Variants in IGSF21 observed in about 807,000 individuals in gnomAD.
IGSF21 encodes the protein immunoglobin superfamily member 21, also known as immunoglobulin superfamily member 21.
A neutral mutation model predicts 46.8 loss-of-function variants in IGSF21; 28 were observed. The observed-to-expected ratio is 0.60, with a 90% confidence interval of 0.44 to 0.82. IGSF21 has a LOEUF of 0.82. IGSF21 is among the 40% of genes least tolerant of loss of function. The probability of loss-of-function intolerance (pLI) is 0.00; values close to 1 mark genes in which losing one functional copy is unlikely to be tolerated. For missense variants in IGSF21, 624 were observed against 665.5 expected, an observed-to-expected ratio of 0.94 and a Z score of 0.69; for synonymous variants, 284 against 273.6, an observed-to-expected ratio of 1.04 and a Z score of -0.38.
chr1:18,298,062 C>T (rs919054973), intron 3 of IGSF21, among the ~76,000 whole-genome samples: 2 of 152,184 alleles, frequency 1.3e-5, no homozygotes, highest in African/African-American at 4.8e-5. Context: ...TCCAGGTAGA[C>T]GACATGGCAA....
At chr1:18,190,865 G>A (rs1197446777) in intron 1 of IGSF21, among the ~76,000 whole-genome samples, 2 of 152,208 alleles carry the variant, frequency 1.3e-5, no homozygotes, top group African/African-American at 4.8e-5. Context: ...CTGTGATTGA[G>A]GGGAGAGCTG....
At chr1:18,145,381 A>G (rs2086456122) in intron 1 of IGSF21, among the ~76,000 whole-genome samples, 1 of 152,104 alleles carries the variant, frequency 6.6e-6, no homozygotes. Flanking sequence ...CCACAAAGGC[A>G]TTCAAAGTTA....
intron 1 of IGSF21, among the ~76,000 whole-genome samples, chr1:18,201,910 A>G (rs1440302342): frequency 6.6e-6 from 1 of 152,154 alleles, no homozygotes; most frequent in Non-Finnish European, 1.5e-5. Flanking sequence ...GATTAAACCC[A>G]TCTGAAAATA....
At chr1:18,259,673 G>A (rs1011860869) in intron 2 of IGSF21, among the ~76,000 whole-genome samples, 2 of 152,148 alleles carry the variant, frequency 1.3e-5, no homozygotes, top group South Asian at 4.1e-4. Flanking sequence ...AAGGAGGAAG[G>A]GTGTGTGAGT....
At chr1:18,347,987 A>T (rs1160075497) in intron 4 of IGSF21, among the ~76,000 whole-genome samples, 1 of 152,224 alleles carries the variant, frequency 6.6e-6, no homozygotes, top group African/African-American at 2.4e-5. Flanking sequence ...GACAGCCAGG[A>T]TACAGTCTAA....
At chr1:18,329,516 G>T (rs1381454833) in intron 3 of IGSF21, among the ~76,000 whole-genome samples, 3 of 152,274 alleles carry the variant, frequency 2.0e-5, no homozygotes, top group Admixed American at 6.5e-5. Flanking sequence ...AAGTGACCAG[G>T]CTTCCCTCCT....
intron 6 of IGSF21, among the ~76,000 whole-genome samples, chr1:18,368,937 C>T (rs1368243005): frequency 6.6e-6 from 1 of 152,224 alleles, no homozygotes; most frequent in African/African-American, 2.4e-5. Flanking sequence ...TGACCCCTAT[C>T]AACAGCACCC....
intron 3 of IGSF21, among the ~76,000 whole-genome samples, chr1:18,326,790 T>G (rs144035654): frequency 2.0e-5 from 3 of 152,212 alleles, no homozygotes; most frequent in Non-Finnish European, 4.4e-5. Context: ...CAGACTGAAT[T>G]TGGGCTTGCT....
At position 18,305,489 on chromosome 1, in the gene IGSF21, G is replaced by GC. The variant is rs201780784; in HGVS notation, c.305+13502_305+13503insC. On this transcript the variant is annotated intron_variant, in intron 3 of 9. Transcript: ENST00000251296. Reference sequence around the variant, plus strand: ...ATGACAGATGGATGGATGGATGGATGATGGATGGATGGATGGATGGATGAA... The same window carrying GC: ...ATGACAGATGGATGGATGGATGGATGCATGGATGGATGGATGGATGGATGAA... Among the ~76,000 whole-genome samples, 72 of 41,576 alleles carry GC rather than the reference G, an allele frequency of 1.7e-3. 1 individual carries two copies. Among genetic ancestry groups the GC allele is most frequent in the African/African-American group, 3.9e-3 (71 of 17,986 alleles). 27.3% of individuals were successfully genotyped at this position (41,576 alleles called of 152,430 possible).
At chr1:18,326,636 T>C (rs1212229745) in intron 3 of IGSF21, among the ~76,000 whole-genome samples, 2 of 152,116 alleles carry the variant, frequency 1.3e-5, no homozygotes, top group East Asian at 3.9e-4. Context: ...TTAAATCGGG[T>C]AGATTATGAA....
At chr1:18,150,293 G>A (rs1165073151) in intron 1 of IGSF21, among the ~76,000 whole-genome samples, 1 of 152,182 alleles carries the variant, frequency 6.6e-6, no homozygotes, top group Non-Finnish European at 1.5e-5. Flanking sequence ...ATCCTCTGCT[G>A]CCACGTGCTC....
intron 2 of IGSF21, among the ~76,000 whole-genome samples, chr1:18,240,628 T>C (rs1299063878): frequency 6.6e-6 from 1 of 152,360 alleles, no homozygotes; most frequent in East Asian, 1.9e-4. Context: ...GATGTATGCA[T>C]GGATGGATAT....
intron 2 of IGSF21, among the ~76,000 whole-genome samples, chr1:18,286,757 G>A (rs2085215645): frequency 6.6e-6 from 1 of 152,152 alleles, no homozygotes; most frequent in South Asian, 2.1e-4. Context: ...TTTCTTCATG[G>A]TATTCCCAGT....
At chr1:18,359,470 AGG>A (rs2086075681) in intron 4 of IGSF21, among the ~76,000 whole-genome samples, 1 of 26,652 alleles carries the variant, frequency 3.8e-5, no homozygotes, top group African/African-American at 1.1e-4. Context: ...AAGGGAAGGA[AGG>A]AAGGAAGGAA....
intron 1 of IGSF21, chr1:18,110,263 C>G (rs1426329454): frequency 6.6e-6 from 1 of 152,394 alleles, no homozygotes; most frequent in East Asian, 1.9e-4. Flanking sequence ...CCGAGGCAGC[C>G]GGGAGCCCTC....
At position 18,188,265 on chromosome 1, in the gene IGSF21, C is replaced by T. The variant is rs2086923156; in HGVS notation, c.71-39633C>T. Among the ~76,000 whole-genome samples the T allele has an allele frequency of 3.9e-5, 6 of 152,192 alleles. No homozygotes were observed. The South Asian group carries it at 1.2e-3, about 32-fold the overall frequency. ...GAAATATCCCTCTGGGATTAGATCC[C>T]CTGCTGTGAAGTATTGCCCCATGAT... On this transcript the variant is annotated intron_variant, in intron 1 of 9. Transcript: ENST00000251296.
chr1:18,235,629 A>G (rs2084665526), intron 2 of IGSF21, among the ~76,000 whole-genome samples: 1 of 152,222 alleles, frequency 6.6e-6, no homozygotes, highest in Non-Finnish European at 1.5e-5. Context: ...ATGTGGCTGG[A>G]ACAAAACGAA....
chr1:18,377,566 G>T, intron 9 of IGSF21, 135 bp downstream of exon 9: 1 of 751,442 alleles, frequency 1.3e-6, no homozygotes, highest in Non-Finnish European at 2.4e-6. Flanking sequence ...TTGCCCTCTA[G>T]TAGGGCAGAG....
chr1:18,130,715 C>T (rs566024732), intron 1 of IGSF21, among the ~76,000 whole-genome samples: 1 of 152,318 alleles, frequency 6.6e-6, no homozygotes, highest in Admixed American at 6.5e-5. Flanking sequence ...CACAGCACAC[C>T]TCCTTGTCTG....
Sources: allele counts gnomAD v4.1 joint callset (sites outside exome capture counted in the v4.1 genomes callset), GRCh38; gene constraint gnomAD v4.1.1; transcripts MANE v1.5; gene names NCBI Gene and HGNC (gene_info 2026-07-23, HGNC 2026-07-21).